SAMMSON: variants seen among roughly 807,000 people sequenced by gnomAD.
SAMMSON encodes survival associated mitochondrial melanoma specific oncogenic non-coding RNA, also known as long intergenic non-protein coding RNA 1212.
intron 7 of SAMMSON, among the ~76,000 whole-genome samples, chr3:70,300,872 C>G (rs113173493): frequency 6.6e-6 from 1 of 152,044 alleles, no homozygotes; most frequent in South Asian, 2.1e-4. Context: ...TATTCATGTC[C>G]TATAAACACA....
intron 4 of SAMMSON, among the ~76,000 whole-genome samples, chr3:70,121,602 A>C (rs7650818): frequency 0.073 from 11,120 of 152,228 alleles, 547 homozygotes; most frequent in Non-Finnish European, 0.11. Context: ...CATGGTTTTA[A>C]AATTTGAATT....
intron 3 of SAMMSON, among the ~76,000 whole-genome samples, chr3:70,063,179 T>C (rs2067196688): frequency 6.6e-6 from 1 of 151,592 alleles, no homozygotes; most frequent in Admixed American, 6.6e-5. Context: ...TGATTAATGC[T>C]AGAGCCTTTT....
At position 70,151,894 on chromosome 3, in the gene SAMMSON, TAA is replaced by T. The variant is rs139804690; in HGVS notation, n.507+80330_507+80331del. Reference sequence around the variant, plus strand: ...AAAATAAGTCTAAAATTTTTAAACATAAGTTTGTTTTTTATAGAAACATATAT... The same window carrying T: ...AAAATAAGTCTAAAATTTTTAAACATGTTTGTTTTTTATAGAAACATATAT... On this transcript the variant is annotated intron_variant and non_coding_transcript_variant, in intron 4 of 9. Transcript: ENST00000642114. 1.8e-3 allele frequency among the ~76,000 whole-genome samples: 270 copies of T among 152,086 alleles called. 1 individual carries two copies. The highest frequency in any genetic ancestry group is 5.8e-3 in the African/African-American group (243 of 41,542).
At chr3:70,201,000 A>G (rs1701232310) in intron 4 of SAMMSON, among the ~76,000 whole-genome samples, 1 of 150,660 alleles carries the variant, frequency 6.6e-6, no homozygotes, top group African/African-American at 2.4e-5. Flanking sequence ...TTCTCCTTCT[A>G]TATTTAGAAC....
At chr3:70,138,630 T>G (rs1283139774) in intron 4 of SAMMSON, among the ~76,000 whole-genome samples, 1 of 152,234 alleles carries the variant, frequency 6.6e-6, no homozygotes, top group African/African-American at 2.4e-5. Flanking sequence ...AATCATGTCT[T>G]TCTCACACAC....
At chr3:70,152,162 C>A (rs116934771) in intron 4 of SAMMSON, among the ~76,000 whole-genome samples, 1 of 151,644 alleles carries the variant, frequency 6.6e-6, no homozygotes, top group Non-Finnish European at 1.5e-5. Context: ...ATATGTTTAT[C>A]CTTAAAATTT....
downstream of SAMMSON, among the ~76,000 whole-genome samples, chr3:70,392,488 T>C (rs974111530): frequency 2.6e-5 from 4 of 152,100 alleles, no homozygotes; most frequent in Non-Finnish European, 4.4e-5. Flanking sequence ...TGCAGCCTCG[T>C]AGTTGATTGC....
chr3:70,072,938 G>T (rs2067235754), intron 4 of SAMMSON, among the ~76,000 whole-genome samples: 1 of 152,042 alleles, frequency 6.6e-6, no homozygotes, highest in Non-Finnish European at 1.5e-5. Flanking sequence ...CATTGTAAAT[G>T]TTTGGTTAAA....
intron 4 of SAMMSON, among the ~76,000 whole-genome samples, chr3:70,150,758 C>T (rs1364434491): frequency 6.6e-6 from 1 of 151,978 alleles, no homozygotes; most frequent in Admixed American, 6.6e-5. Flanking sequence ...ATGAGGATGC[C>T]TCATTTTGTA....
intron 1 of SAMMSON, among the ~76,000 whole-genome samples, chr3:70,010,846 A>G (rs2066951567): frequency 6.6e-6 from 1 of 152,098 alleles, no homozygotes; most frequent in African/African-American, 2.4e-5. Flanking sequence ...TTTAGGACGG[A>G]GTGAGTGCAA....
chr3:70,310,375 TA>T (rs1481027413), intron 7 of SAMMSON, among the ~76,000 whole-genome samples: 1 of 151,988 alleles, frequency 6.6e-6, no homozygotes, highest in East Asian at 1.9e-4. Context: ...GTATTATTAT[TA>T]TTTTTTTGAG....
At chr3:70,270,297 C>A (rs1328043633) in intron 6 of SAMMSON, among the ~76,000 whole-genome samples, 1 of 152,074 alleles carries the variant, frequency 6.6e-6, no homozygotes, top group Admixed American at 6.6e-5. Context: ...TATTTCAAAG[C>A]ATGGGAAATA....
At chr3:70,249,954 C>T (rs1034897398) in intron 6 of SAMMSON, among the ~76,000 whole-genome samples, 10 of 152,148 alleles carry the variant, frequency 6.6e-5, no homozygotes, top group African/African-American at 2.4e-4. Context: ...TGTTATAGCA[C>T]ATAATTAGAT....
intron 7 of SAMMSON, among the ~76,000 whole-genome samples, chr3:70,311,538 T>A (rs1310662020): frequency 1.3e-5 from 2 of 152,214 alleles, no homozygotes; most frequent in African/African-American, 4.8e-5. Flanking sequence ...TAAAAATACT[T>A]GTCCTTAAAT....
intron 7 of SAMMSON, among the ~76,000 whole-genome samples, chr3:70,330,292 C>G (rs930367853): frequency 6.6e-6 from 1 of 151,608 alleles, no homozygotes; most frequent in Non-Finnish European, 1.5e-5. Flanking sequence ...TGATCTAAAC[C>G]CTTCAAAACC....
At chr3:70,340,605 G>T (rs1575629214) in intron 7 of SAMMSON, among the ~76,000 whole-genome samples, 1 of 152,000 alleles carries the variant, frequency 6.6e-6, no homozygotes, top group Non-Finnish European at 1.5e-5. Context: ...TTAGGTATAT[G>T]GTGCTTATGT....
At chr3:70,423,934 A>T (rs1001842052) in intron 2 of SAMMSON, among the ~76,000 whole-genome samples, 7 of 152,160 alleles carry the variant, frequency 4.6e-5, no homozygotes, top group Admixed American at 3.9e-4. Flanking sequence ...TCTGGTCTGG[A>T]ATTATCAGAT....
chr3:70,098,610 A>G (rs1576121299), intron 4 of SAMMSON, among the ~76,000 whole-genome samples: 1 of 151,600 alleles, frequency 6.6e-6, no homozygotes, highest in Non-Finnish European at 1.5e-5. Context: ...ATTGTGATCC[A>G]CCCGCCTCGG....
intron 7 of SAMMSON, among the ~76,000 whole-genome samples, chr3:70,348,676 CA>C (rs1303439037): frequency 6.6e-6 from 1 of 152,016 alleles, no homozygotes; most frequent in African/African-American, 2.4e-5. Flanking sequence ...GTTCCAATTC[CA>C]GGGGTATTGG....
Sources: gnomAD v4.1 joint callset for allele counts (sites outside exome capture counted in the v4.1 genomes callset) on GRCh38, gnomAD v4.1.1 for gene constraint, MANE v1.5 for transcripts, NCBI Gene and HGNC (gene_info 2026-07-23, HGNC 2026-07-21) for gene names.